Variants in SYNRG observed in about 807,000 individuals in gnomAD.
The protein encoded by SYNRG is synergin gamma.
A neutral mutation model predicts 130.9 loss-of-function variants in SYNRG; 37 were observed. That is an observed-to-expected ratio of 0.28 (90% CI 0.22 to 0.37). SYNRG has a LOEUF of 0.37. Among genes scored for constraint, SYNRG ranks in the 10% least tolerant of loss-of-function variants. The pLI is 1.00. For missense variants in SYNRG, 1,338 were observed against 1,588.9 expected (o/e 0.84, Z 2.68); for synonymous variants, 539 against 568.1 (o/e 0.95, Z 0.73).
chr17:37,577,239 A>G, intron 7 of SYNRG, 141 bp downstream of exon 7: 1 of 696,658 alleles, frequency 1.4e-6, no homozygotes, highest in East Asian at 2.6e-5. Flanking sequence ...AATTGGAGAA[A>G]GGAATGCATT....
chr17:37,519,207 C>A (rs1386504779), intron 21 of SYNRG, 136 bp from the exon 22 acceptor site: 4 of 1,145,940 alleles, frequency 3.5e-6, no homozygotes, highest in Non-Finnish European at 5.0e-6. Context: ...AAAAGCTGAG[C>A]GGATAGCTAC....
intron 1 of SYNRG, among the ~76,000 whole-genome samples, chr17:37,603,671 G>A (rs2063493804): frequency 6.6e-6 from 1 of 152,208 alleles, no homozygotes; most frequent in African/African-American, 2.4e-5. Flanking sequence ...TTTCTGAGAA[G>A]TAGGTCTCAA....
rs182144296 is a variant in SYNRG at position 37,571,783 on chromosome 17, T to C, written c.1098+8A>G. 8.9e-5 allele frequency: 142 copies of C among 1,594,254 alleles called. 2 individuals are homozygous for C. In the East Asian group the frequency reaches 1.8e-3, roughly 20 times the overall value. ...GTTATTTGATCTAACTTAAGAAACA[T>C]TGTTTACCTGTGTTACCGCTATCAT... On this transcript the variant is annotated splice_region_variant and intron_variant, in intron 9 of 21. Transcript: ENST00000612223.
chr17:37,580,191 C>T lies in SYNRG; in HGVS notation c.590-2578G>A, dbSNP rs143287624. On this transcript the variant is annotated intron_variant, in intron 6 of 21. Coordinates refer to ENST00000612223, the MANE Select transcript of SYNRG (RefSeq NM_007247.6). The stretch of plus-strand genomic sequence containing the variant: ...TTAAGAAATTCAGTAAGAAATAATG[C>T]ACAATACAAAGCTGTAATTTTTGAA... Among the ~76,000 whole-genome samples the T allele has an allele frequency of 2.7e-3, 417 of 152,134 alleles. 2 individuals carry two copies. Among genetic ancestry groups the T allele is most frequent in the African/African-American group, 9.7e-3 (403 of 41,498 alleles).
chr17:37,604,374 T>C (rs539382592), intron 1 of SYNRG, among the ~76,000 whole-genome samples: 22 of 152,244 alleles, frequency 1.4e-4, no homozygotes, highest in Non-Finnish European at 2.9e-4. Flanking sequence ...GTTATGGAGA[T>C]AGCTTCTTTG....
intron 14 of SYNRG, among the ~76,000 whole-genome samples, chr17:37,548,726 G>A (rs558898203): frequency 3.3e-5 from 5 of 151,962 alleles, no homozygotes; most frequent in African/African-American, 1.2e-4. Flanking sequence ...GCTGAGGCAG[G>A]AGAGTCACTT....
At chr17:37,588,959 A>G (rs1196559003) in intron 3 of SYNRG, among the ~76,000 whole-genome samples, 1 of 152,218 alleles carries the variant, frequency 6.6e-6, no homozygotes, top group East Asian at 1.9e-4. Flanking sequence ...ACACCTGGAA[A>G]GGAGGGACTG....
At chr17:37,537,260 C>CCT (rs2057281858) in intron 18 of SYNRG, 1 of 152,286 alleles carries the variant, frequency 6.6e-6, no homozygotes, top group Non-Finnish European at 1.5e-5. Flanking sequence ...GTGTTGGGGA[C>CCT]ACACCAGTGA....
At position 37,541,673 on chromosome 17, in the gene SYNRG, G is replaced by A. The variant is rs2057776461; in HGVS notation, c.3202+299C>T. The A allele has an allele frequency of 9.2e-6, 4 of 432,920 alleles. No homozygotes were observed. The South Asian group carries it at 1.7e-4, about 18-fold the overall frequency. The allele number at this position is 432,920 out of a possible 1,614,324, so 26.8% of individuals were successfully genotyped here. ...GAGCGGAGCTAATGTGCCTACAAGT[G>A]GCTCGAATCCATTTATCTGGCTCTT... On this transcript the variant is annotated intron_variant, in intron 15 of 21. Transcript: ENST00000612223.
intron 3 of SYNRG, among the ~76,000 whole-genome samples, chr17:37,586,858 T>C (rs1009198938): frequency 1.6e-4 from 24 of 152,204 alleles, no homozygotes; most frequent in African/African-American, 5.5e-4. Context: ...CCACAAGTTA[T>C]ATTCTTGTGA....
In SYNRG at chr17:37,560,549, G is replaced by T. The variant is rs189114064; in HGVS notation, c.1663+646C>A. On this transcript the variant is annotated intron_variant, in intron 13 of 21. Coordinates refer to ENST00000612223, the MANE Select transcript of SYNRG (RefSeq NM_007247.6). ...CGATGGGGTCTTACCATGTTGGCCA[G>T]GCTTGTCTGGAACTCCTGACCTCAG... Among the ~76,000 whole-genome samples the T allele has an allele frequency of 7.9e-5, 12 of 152,044 alleles. No homozygotes were observed. In the East Asian group the frequency reaches 2.3e-3, roughly 29 times the overall value.
At chr17:37,553,036 A>C in intron 14 of SYNRG, 79 bp downstream of exon 14, 2 of 1,312,364 alleles carry the variant, frequency 1.5e-6, no homozygotes, top group Non-Finnish European at 2.1e-6. Context: ...CCAGAGCCTT[A>C]CTCATGTAAA....
intron 6 of SYNRG, among the ~76,000 whole-genome samples, chr17:37,578,597 T>C (rs2061042121): frequency 6.6e-6 from 1 of 152,206 alleles, no homozygotes; most frequent in Non-Finnish European, 1.5e-5. Context: ...TCCATGTCCA[T>C]CAAATGAGAC....
At chr17:37,587,614 T>C (rs1423888753) in intron 3 of SYNRG, among the ~76,000 whole-genome samples, 1 of 152,232 alleles carries the variant, frequency 6.6e-6, no homozygotes, top group Non-Finnish European at 1.5e-5. Context: ...ATCTTGTTCA[T>C]GTCATCTACT....
Position 37,609,378 on chromosome 17 carries a change from C to T in SYNRG, c.-23G>A, listed in dbSNP as rs773335379. 67 of 1,408,890 alleles carry T rather than the reference C, an allele frequency of 4.8e-5. No individual in the cohort carries two copies. Among genetic ancestry groups the T allele is most frequent in the South Asian group, 2.1e-4 (14 of 67,650 alleles). The allele number at this position is 1,408,890 out of a possible 1,614,324, so 87.3% of individuals were successfully genotyped here. ...CATCTTGCTCCCGACCTGCCGCTGC[C>T]TTCGCCGCCGCCACCTTATCAGCAG... is the stretch of plus-strand genomic sequence containing the variant. On this transcript the variant is annotated 5_prime_UTR_variant, in exon 1 of 22. Coordinates refer to ENST00000612223, the MANE Select transcript of SYNRG (RefSeq NM_007247.6).
At chr17:37,607,686 G>A (rs1175161029) in intron 1 of SYNRG, among the ~76,000 whole-genome samples, 1 of 152,154 alleles carries the variant, frequency 6.6e-6, no homozygotes, top group Admixed American at 6.5e-5. Context: ...CTACTTGGGA[G>A]GCTGAGGCAG....
chr17:37,604,422 T>C (rs1025336432), intron 1 of SYNRG, among the ~76,000 whole-genome samples: 2 of 152,200 alleles, frequency 1.3e-5, no homozygotes, highest in African/African-American at 4.8e-5. Context: ...CTTCCAACTT[T>C]TCTTCTGCAG....
intron 19 of SYNRG, among the ~76,000 whole-genome samples, chr17:37,521,642 A>C (rs1344687254): frequency 6.6e-6 from 1 of 152,178 alleles, no homozygotes; most frequent in African/African-American, 2.4e-5. Context: ...CTCTCGCTAC[A>C]GTATAGGCAA....
intron 8 of SYNRG, among the ~76,000 whole-genome samples, chr17:37,574,499 C>A (rs970675469): frequency 4.6e-5 from 7 of 152,098 alleles, no homozygotes; most frequent in African/African-American, 1.7e-4. Flanking sequence ...TGCAAACTAT[C>A]CATCTCACAA....
Sources: gnomAD v4.1 joint callset for allele counts (sites outside exome capture counted in the v4.1 genomes callset) on GRCh38, gnomAD v4.1.1 for gene constraint, MANE v1.5 for transcripts, NCBI Gene and HGNC (gene_info 2026-07-23, HGNC 2026-07-21) for gene names.